Variants in TRIM58 observed in about 807,000 individuals in gnomAD.
TRIM58 encodes the protein tripartite motif containing 58.
Under a neutral mutation model 34.1 loss-of-function variants are expected in TRIM58, and 38 were observed. The ratio of observed to expected loss-of-function variants is 1.12; its 90% CI spans 0.86 to 1.46. TRIM58 has a LOEUF of 1.46. TRIM58 is among the 40% of genes most tolerant of loss of function. TRIM58 has a pLI of 0.00. For synonymous variants in TRIM58, 273 were observed against 275.7 expected, an observed-to-expected ratio of 0.99 and a Z score of 0.10; for missense variants, 677 against 642.0, an observed-to-expected ratio of 1.05 and a Z score of -0.59.
intron 1 of TRIM58, among the ~76,000 whole-genome samples, chr1:247,859,676 T>G (rs1034480403): frequency 5.3e-5 from 8 of 152,148 alleles, no homozygotes; most frequent in African/African-American, 1.9e-4. Flanking sequence ...GACCTAATAA[T>G]ACTACTAATA....
chr1:247,861,523 T>C (rs2103322605), intron 2 of TRIM58, among the ~76,000 whole-genome samples: 1 of 152,336 alleles, frequency 6.6e-6, no homozygotes, highest in Admixed American at 6.5e-5. Context: ...AGAAACTACG[T>C]ATAGAAACTG....
chr1:247,874,507 ATAT>A (rs1253101405), intron 5 of TRIM58, among the ~76,000 whole-genome samples: 1 of 152,142 alleles, frequency 6.6e-6, no homozygotes, highest in Non-Finnish European at 1.5e-5. Flanking sequence ...CATCCAAACC[ATAT>A]TATTTATTAA....
chr1:247,868,539 A>C (rs61525638), intron 5 of TRIM58, among the ~76,000 whole-genome samples: 1 of 152,300 alleles, frequency 6.6e-6, no homozygotes, highest in East Asian at 1.9e-4. Context: ...TTTTGACACT[A>C]TCTATCTGGA....
chr1:247,859,681 C>G (rs1429719665), intron 1 of TRIM58, among the ~76,000 whole-genome samples: 1 of 151,894 alleles, frequency 6.6e-6, no homozygotes, highest in Non-Finnish European at 1.5e-5. Flanking sequence ...AATAATACTA[C>G]TAATACTACA....
intron 5 of TRIM58, among the ~76,000 whole-genome samples, chr1:247,873,047 C>G (rs1388685593): frequency 2.0e-5 from 3 of 152,036 alleles, no homozygotes; most frequent in African/African-American, 7.2e-5. Context: ...CCTGATCAAC[C>G]TGAGGAAACC....
chr1:247,869,025 G>A (rs369269093), intron 5 of TRIM58, among the ~76,000 whole-genome samples: 2 of 152,070 alleles, frequency 1.3e-5, no homozygotes, highest in Admixed American at 6.5e-5. Flanking sequence ...TCAGCCTCCC[G>A]AGTAGCTGGG....
At chr1:247,858,987 G>A (rs866305095) in intron 1 of TRIM58, among the ~76,000 whole-genome samples, 5 of 151,910 alleles carry the variant, frequency 3.3e-5, no homozygotes, top group Non-Finnish European at 7.4e-5. Flanking sequence ...GGCTGGTCTT[G>A]AACTCCTGAC....
rs1351943009 is a variant in TRIM58 at position 247,860,703 on chromosome 1, C to A, written c.507C>A (p.Val169=). 6.2e-7 allele frequency: 1 copy of A among 1,612,934 alleles called. No homozygotes were observed. The highest frequency in any genetic ancestry group is 1.1e-5 in the South Asian group (1 of 90,998). The part of the protein sequence containing the change: ...TQEANVGKKT[V]IWKEKVEMQR... Reference sequence around the variant, plus strand: ...AGGCCAACGTGGGGAAAAAGACTGTCATTTGGAAGGTAAGACCATGTTGGG... The same window carrying A: ...AGGCCAACGTGGGGAAAAAGACTGTAATTTGGAAGGTAAGACCATGTTGGG... The change falls in exon 2 of 6, where the codon GTC becomes GTA. Residue 169 remains valine, a synonymous_variant. Coordinates refer to ENST00000366481, the MANE Select transcript of TRIM58 (RefSeq NM_015431.4).
At chr1:247,865,425 C>G (rs1663896794) in intron 3 of TRIM58, among the ~76,000 whole-genome samples, 1 of 152,176 alleles carries the variant, frequency 6.6e-6, no homozygotes, top group African/African-American at 2.4e-5. Flanking sequence ...GATAGCATTG[C>G]TGTTTTTTAG....
chr1:247,857,924 C>G (rs61855696), intron 1 of TRIM58, among the ~76,000 whole-genome samples: 13,796 of 152,254 alleles, frequency 0.091, 812 homozygotes, highest in South Asian at 0.15. Flanking sequence ...TCGTCGAACT[C>G]GCGCTGGGCT....
intron 5 of TRIM58, among the ~76,000 whole-genome samples, chr1:247,870,010 G>A (rs1275517020): frequency 6.6e-6 from 1 of 152,122 alleles, no homozygotes; most frequent in Non-Finnish European, 1.5e-5. Flanking sequence ...AGTGGCTTGG[G>A]ACAAAGTGTT....
In TRIM58 at chr1:247,876,244, G is replaced by T. The variant is rs1242440677; in HGVS notation, c.1216G>T (p.Glu406Ter). 6.2e-7 allele frequency: 1 copy of T among 1,614,216 alleles called. No individual in the cohort carries two copies. Among genetic ancestry groups the T allele is most frequent in the African/African-American group, 1.3e-5 (1 of 75,056 alleles). Residue 406 changes from glutamate (E) to a stop codon, truncating the protein, a stop_gained, in exon 6 of 6, where the codon GAA (glutamate) becomes TAA (stop). Transcript: ENST00000366481. LOFTEE classifies it low-confidence loss of function (END_TRUNC). ...ASPSVPLLQL[E>*]SPRCIGIFLD... ...CCCATCAGTGCCTCTTCTCCAACTG[G>T]AAAGTCCTCGCTGCATTGGGATTTT...
At position 247,876,406 on chromosome 1, in the gene TRIM58, C is replaced by T. The variant is rs1164705280; in HGVS notation, c.1378C>T (p.Pro460Ser). The T allele has an allele frequency of 1.2e-6, 2 of 1,614,180 alleles. No individual in the cohort carries two copies. Among genetic ancestry groups the T allele is most frequent in the Non-Finnish European group, 1.7e-6 (2 of 1,180,032 alleles). Residue 460 changes from proline to serine, a missense_variant, in exon 6 of 6, where the codon CCC becomes TCC. Physicochemically the swap from Pro to Ser is moderately conservative, Grantham distance 74. Transcript: ENST00000366481. Reference sequence around the variant, plus strand: ...TGATGCAACTCCTCTTATCTTGCCACCCACAACAATAGCAGGGTCAGGAAA... The same window carrying T: ...TGATGCAACTCCTCTTATCTTGCCATCCACAACAATAGCAGGGTCAGGAAA... ...ICDATPLILP[P>S]TTIAGSGNWA...
At chr1:247,858,861 G>T (rs1053009208) in intron 1 of TRIM58, among the ~76,000 whole-genome samples, 1 of 143,442 alleles carries the variant, frequency 7.0e-6, no homozygotes, top group Non-Finnish European at 1.5e-5. Context: ...CCCGGGTCCT[G>T]GTGCAAGCAA....
rs1463908604 is a variant in TRIM58, at chr1:247,857,355, C to T, written c.109C>T (p.Leu37Phe). Residue 37 changes from leucine to phenylalanine, a missense_variant, in exon 1 of 6, where the codon CTC (leucine) becomes TTC (phenylalanine). By Grantham distance (22) the Leu-to-Phe change is conservative. Transcript: ENST00000366481. ...VSVDCGHSFC[L>F]RCISEFCEKS... Reference sequence around the variant, plus strand: ...CGTGGACTGCGGCCACAGCTTCTGCCTCAGGTGCATCTCCGAGTTCTGCGA... The same window carrying T: ...CGTGGACTGCGGCCACAGCTTCTGCTTCAGGTGCATCTCCGAGTTCTGCGA... The T allele has an allele frequency of 1.3e-6, 2 of 1,520,712 alleles. No individual in the cohort carries two copies. Among genetic ancestry groups the T allele is most frequent in the Non-Finnish European group, 1.8e-6 (2 of 1,132,860 alleles). 94.2% of individuals were successfully genotyped at this position (1,520,712 alleles called of 1,614,324 possible).
In TRIM58 at chr1:247,875,562, G is replaced by GCA. The variant is rs370248676; in HGVS notation, c.872-323_872-322dup. ...CTCTGTCTCTCTCTCTCTCTCTCACGCACACACACACACACAAATGCTTTA... is the reference window on the plus strand; with the variant it reads ...CTCTGTCTCTCTCTCTCTCTCTCACGCACACACACACACACACAAATGCTTTA... On this transcript the variant is annotated intron_variant, in intron 5 of 5. Coordinates refer to ENST00000366481, the MANE Select transcript of TRIM58 (RefSeq NM_015431.4). Among the ~76,000 whole-genome samples, 90 of 149,074 alleles carry GCA rather than the reference G, an allele frequency of 6.0e-4. 1 individual carries two copies. The highest frequency in any genetic ancestry group is 1.5e-3 in the South Asian group (7 of 4,728).
rs2103337794 is a variant in TRIM58 at position 247,876,614 on chromosome 1, A to C, written c.*125A>C. 1.4e-6 allele frequency: 1 copy of C among 692,514 alleles called. No individual in the cohort carries two copies. The highest frequency in any genetic ancestry group is 2.7e-5 in the East Asian group (1 of 36,876). The allele number at this position is 692,514 out of a possible 1,614,324, so 42.9% of individuals were successfully genotyped here. A position where few individuals can be genotyped will look rare whatever the true frequency, so the allele number is the denominator to read the frequency against. On this transcript the variant is annotated 3_prime_UTR_variant, in exon 6 of 6. Coordinates refer to ENST00000366481, the MANE Select transcript of TRIM58 (RefSeq NM_015431.4). Reference sequence around the variant, plus strand: ...AGCACTTGATTCGTTGTTGCTGTGAAATATGTCCATGGGACAAAAGAGGGA... The same window carrying C: ...AGCACTTGATTCGTTGTTGCTGTGACATATGTCCATGGGACAAAAGAGGGA...
chr1:247,857,557 G>A lies in TRIM58; in HGVS notation c.311G>A (p.Ser104Asn). ...TGCGCGCGGCACGGCGAGGACCTGA[G>A]CCGCTTCTGCGAGGAGGACGAGGCG... ...RRCARHGEDL[S>N]RFCEEDEAAL... Residue 104 changes from serine (S) to asparagine (N), a missense_variant, in exon 1 of 6, where the codon AGC becomes AAC. Coordinates refer to ENST00000366481, the MANE Select transcript of TRIM58 (RefSeq NM_015431.4). The A allele has an allele frequency of 7.9e-7, 1 of 1,272,080 alleles. No homozygotes were observed. The highest frequency in any genetic ancestry group is 9.9e-7 in the Non-Finnish European group (1 of 1,013,638). 78.8% of individuals were successfully genotyped at this position (1,272,080 alleles called of 1,614,324 possible).
chr1:247,858,446 AAC>A (rs1663692406), intron 1 of TRIM58, among the ~76,000 whole-genome samples: 1 of 152,218 alleles, frequency 6.6e-6, no homozygotes, highest in East Asian at 1.9e-4. Flanking sequence ...CAGCATGTAG[AAC>A]AACTGCCAGC....
Sources: gnomAD v4.1 joint callset for allele counts (sites outside exome capture counted in the v4.1 genomes callset) on GRCh38, gnomAD v4.1.1 for gene constraint, MANE v1.5 for transcripts, NCBI Gene and HGNC (gene_info 2026-07-23, HGNC 2026-07-21) for gene names.